Variants in EEIG1 observed in about 807,000 individuals in gnomAD.
The protein encoded by EEIG1 is early estrogen-induced gene 1 protein.
chr9:127,979,501 G>C, the EEIG1 span, among the ~76,000 whole-genome samples: 1 of 152,238 alleles, frequency 6.6e-6, no homozygotes, highest in South Asian at 2.1e-4. Flanking sequence ...ATAGTCACTC[G>C]GAGGGGGCTG....
the EEIG1 span, chr9:127,943,064 G>A: frequency 2.0e-5 from 16 of 811,324 alleles, no homozygotes; most frequent in Non-Finnish European, 3.2e-5. Flanking sequence ...GTGTGGACTG[G>A]AGTGCATGGA....
At chr9:127,942,382 T>A in the EEIG1 span, 5 of 152,570 alleles carry the variant, frequency 3.3e-5, no homozygotes, top group African/African-American at 1.2e-4. Context: ...CAGCACCCGT[T>A]CCCGCCGGGC....
the EEIG1 span, chr9:127,945,688 G>C: frequency 6.3e-7 from 1 of 1,594,488 alleles, no homozygotes; most frequent in Non-Finnish European, 8.5e-7. This position sits in a 1 kb window ranked among gnomAD's most constrained non-coding sequence, Gnocchi z 6.5. Flanking sequence ...CTGGAGTTGC[G>C]GGAGTGGCCA....
chr9:127,966,717 G>A, the EEIG1 span, among the ~76,000 whole-genome samples: 35 of 152,342 alleles, frequency 2.3e-4, no homozygotes, highest in East Asian at 6.8e-3. Flanking sequence ...GGGCAAAGAT[G>A]CCCCTGGCAC....
the EEIG1 span, among the ~76,000 whole-genome samples, chr9:127,976,157 G>A: frequency 2.6e-5 from 4 of 152,302 alleles, no homozygotes; most frequent in East Asian, 7.7e-4. The surrounding 1 kb of genome is among the most constrained non-coding windows in gnomAD (Gnocchi z 4.1). Flanking sequence ...GCTGTCACAC[G>A]GGTCTGCAGC....
the EEIG1 span, chr9:127,979,919 T>C: frequency 6.6e-7 from 1 of 1,524,522 alleles, no homozygotes; most frequent in Non-Finnish European, 8.8e-7. Flanking sequence ...CAAGGGGCCC[T>C]TCCACACTTG....
chr9:127,944,337 T>C, the EEIG1 span: 1 of 570,694 alleles, frequency 1.8e-6, no homozygotes, highest in Non-Finnish European at 3.1e-6. Context: ...CCCTGCCATG[T>C]GCTGAGCCCT....
the EEIG1 span, among the ~76,000 whole-genome samples, chr9:127,978,321 G>A: frequency 1.3e-5 from 2 of 152,010 alleles, no homozygotes; most frequent in Non-Finnish European, 2.9e-5. Context: ...AGACTCCTTC[G>A]AGGTCCCTGG....
At chr9:127,954,833 C>T in the EEIG1 span, among the ~76,000 whole-genome samples, 2 of 152,210 alleles carry the variant, frequency 1.3e-5, no homozygotes, top group African/African-American at 4.8e-5. Context: ...CCGGTTCCTC[C>T]TGAGTTGGAG....
At chr9:127,978,035 G>A in the EEIG1 span, among the ~76,000 whole-genome samples, 61 of 152,276 alleles carry the variant, frequency 4.0e-4, 1 homozygote, top group East Asian at 0.012. Flanking sequence ...TCAGACTGCT[G>A]TGTGGGTGGC....
the EEIG1 span, chr9:127,942,787 G>C: frequency 3.9e-6 from 1 of 257,052 alleles, no homozygotes; most frequent in South Asian, 4.4e-5. Flanking sequence ...TGGAGTGAGT[G>C]GGGACACAGG....
chr9:127,944,773 T>C, the EEIG1 span: 1 of 1,611,862 alleles, frequency 6.2e-7, no homozygotes, highest in Non-Finnish European at 8.5e-7. Flanking sequence ...CCAGCACGGC[T>C]CACCCTCGGT....
the EEIG1 span, among the ~76,000 whole-genome samples, chr9:127,964,708 C>T: frequency 6.6e-6 from 1 of 152,236 alleles, no homozygotes; most frequent in Non-Finnish European, 1.5e-5. Context: ...CACATCTCAC[C>T]TCCACTGGGT....
the EEIG1 span, among the ~76,000 whole-genome samples, chr9:127,951,790 C>T: frequency 7.2e-6 from 1 of 138,576 alleles, no homozygotes; most frequent in Non-Finnish European, 1.5e-5. Context: ...GCACTCCAGC[C>T]TGGGCGACAG....
the EEIG1 span, chr9:127,980,280 C>T: frequency 1.0e-6 from 1 of 983,374 alleles, no homozygotes; most frequent in Non-Finnish European, 1.5e-6. Context: ...AGATCGGAGT[C>T]CGGGGCCCCA....
the EEIG1 span, among the ~76,000 whole-genome samples, chr9:127,946,645 A>G: frequency 6.6e-6 from 1 of 152,250 alleles, no homozygotes; most frequent in Non-Finnish European, 1.5e-5. Context: ...GTCCCCAGAC[A>G]CATCTCTCTT....
the EEIG1 span, among the ~76,000 whole-genome samples, chr9:127,970,418 C>T: frequency 6.6e-6 from 1 of 152,138 alleles, no homozygotes; most frequent in Non-Finnish European, 1.5e-5. Flanking sequence ...TGCGCCTGGC[C>T]GCATCATACA....
the EEIG1 span, chr9:127,980,173 A>G: frequency 2.5e-6 from 4 of 1,597,812 alleles, no homozygotes; most frequent in Middle Eastern, 1.7e-4. Context: ...CCGAAGGCGA[A>G]AAAAGGTGGA....
the EEIG1 span, among the ~76,000 whole-genome samples, chr9:127,959,068 T>C: frequency 1.3e-5 from 2 of 152,222 alleles, no homozygotes; most frequent in Non-Finnish European, 2.9e-5. Flanking sequence ...TGTAAAATGG[T>C]GCAGCCCCTT....
Sources: allele counts gnomAD v4.1 joint callset (sites outside exome capture counted in the v4.1 genomes callset), GRCh38; gene constraint gnomAD v4.1.1; non-coding constraint Gnocchi (gnomAD v3.1); transcripts MANE v1.5; gene names NCBI Gene and HGNC (gene_info 2026-07-23, HGNC 2026-07-21).